PMP22: variants seen among roughly 807,000 people sequenced by gnomAD.
PMP22 encodes Charcot-Marie-Tooth neuropathy 1A (greatly reduced nerve conduction velocity, hereditary motor sensory neuropathy Ia).
In PMP22, 2 loss-of-function variants were observed where a neutral mutation model predicts 18.9. That is an observed-to-expected ratio of 0.11 (90% CI 0.04 to 0.33). PMP22 has a LOEUF of 0.33. PMP22 is among the 10% of genes least tolerant of loss of function. PMP22 has a pLI of 1.00. For synonymous variants in PMP22, 95 were observed against 89.2 expected (o/e 1.07, Z -0.37); for missense variants, 169 against 202.2 (o/e 0.84, Z 1.00).
intron 1 of PMP22, among the ~76,000 whole-genome samples, chr17:15,263,635 A>G (rs1403792056): frequency 6.6e-6 from 1 of 152,050 alleles, no homozygotes; most frequent in Non-Finnish European, 1.5e-5. Context: ...GTGTCATAGA[A>G]GCTCATCACT....
At chr17:15,257,855 G>C (rs16951263) in intron 3 of PMP22, among the ~76,000 whole-genome samples, 11,719 of 152,178 alleles carry the variant, frequency 0.077, 718 homozygotes, top group East Asian at 0.31. Flanking sequence ...TACTCCTTGC[G>C]TATCTTCTCC....
chr17:15,256,582 A>G lies in PMP22; in HGVS notation c.178+2512T>C, dbSNP rs1027092687. Among the ~76,000 whole-genome samples, 6 of 152,214 alleles carry G rather than the reference A, an allele frequency of 3.9e-5. No individual in the cohort carries two copies. The South Asian group carries it at 1.2e-3, about 32-fold the overall frequency. On this transcript the variant is annotated intron_variant, in intron 3 of 4. Coordinates refer to ENST00000312280, the MANE Select transcript of PMP22 (RefSeq NM_000304.4). ...CTTGAACCCAGGAGGTGGAGGTTGT[A>G]GTCAGCCGAGATTGCACCACTATTT...
chr17:15,237,869 A>T (rs559002647), intron 4 of PMP22, among the ~76,000 whole-genome samples: 2 of 152,362 alleles, frequency 1.3e-5, no homozygotes, highest in Non-Finnish European at 2.9e-5. Flanking sequence ...ATCATCGCTT[A>T]TGAAACTAAC....
chr17:15,259,169 C>T lies in PMP22; in HGVS notation c.103G>A (p.Ala35Thr), dbSNP rs750000952. The T allele has an allele frequency of 1.4e-5, 23 of 1,613,336 alleles. No individual in the cohort carries two copies. The highest frequency in any genetic ancestry group is 1.7e-5 in the Non-Finnish European group (20 of 1,179,456). The change falls in exon 3 of 5, where the codon GCA (alanine) becomes ACA (threonine). Residue 35 changes from alanine (A) to threonine (T), a missense_variant. By Grantham distance (58) the Ala-to-Thr change is moderately conservative. Transcript: ENST00000312280. ...CTACAGTTCTGCCAGAGATCAGTTG[C>T]GTGTCCATTGCCCACGATCCATTGC... ...VSQWIVGNGH[A>T]TDLWQNCSTS... is the part of the protein sequence containing the mutation.
At position 15,230,796 on chromosome 17, in the gene PMP22, C is replaced by G; in HGVS notation, c.*121G>C. The stretch of plus-strand genomic sequence containing the variant: ...CAGCAACCCCCACCTCCACTGCTTT[C>G]TGTTTGGTTTGGTTTGAGTTTGGGA... On this transcript the variant is annotated 3_prime_UTR_variant, in exon 5 of 5. Transcript: ENST00000312280. 9.6e-7 allele frequency: 1 copy of G among 1,036,876 alleles called. No homozygotes were observed. The highest frequency in any genetic ancestry group is 1.5e-6 in the Non-Finnish European group (1 of 672,548). The allele number at this position is 1,036,876 out of a possible 1,614,324, so 64.2% of individuals were successfully genotyped here.
At chr17:15,235,311 C>T in intron 4 of PMP22, 1 of 717,488 alleles carries the variant, frequency 1.4e-6, no homozygotes, top group Non-Finnish European at 2.6e-6. Flanking sequence ...ATTATCTAAT[C>T]ATCCAACCAA....
chr17:15,260,296 G>GA (rs58225646), intron 2 of PMP22: 17,724 of 319,080 alleles, frequency 0.056, 675 homozygotes, highest in East Asian at 0.14. Flanking sequence ...ATGGTTTGGA[G>GA]AAAAAAAAAT....
At chr17:15,234,044 G>C (rs1237765129) in intron 4 of PMP22, among the ~76,000 whole-genome samples, 1 of 152,208 alleles carries the variant, frequency 6.6e-6, no homozygotes, top group South Asian at 2.1e-4. Context: ...CAGGGGCAGG[G>C]ACAAGGCAGG....
chr17:15,233,232 T>TGGTGAGGCCCTGA (rs1475742753), intron 4 of PMP22, among the ~76,000 whole-genome samples: 1 of 152,156 alleles, frequency 6.6e-6, no homozygotes, highest in Admixed American at 6.5e-5. Flanking sequence ...CAGGTCCCTG[T>TGGTGAGGCCCTGA]GGCAAGGGTA....
chr17:15,256,669 T>C (rs1209860659), intron 3 of PMP22, among the ~76,000 whole-genome samples: 1 of 152,144 alleles, frequency 6.6e-6, no homozygotes, highest in African/African-American at 2.4e-5. Context: ...TACTTTTGAT[T>C]ACTTAACAAG....
At position 15,230,070 on chromosome 17, in the gene PMP22, T is replaced by C. The variant is rs1906176329; in HGVS notation, c.*847A>G. On this transcript the variant is annotated 3_prime_UTR_variant, in exon 5 of 5. Transcript: ENST00000312280. ...TGATGAAGGCTTTATGATTTACTCA[T>C]TATAGTAATAATAGCAGCCTAGCTA... is the stretch of plus-strand genomic sequence containing the variant. 2 of 152,648 alleles carry C rather than the reference T, an allele frequency of 1.3e-5. No individual in the cohort carries two copies. The highest frequency in any genetic ancestry group is 6.5e-5 in the Admixed American group (1 of 15,288). 9.5% of individuals were successfully genotyped at this position (152,648 alleles called of 1,614,324 possible).
chr17:15,250,452 T>G (rs1325460634), intron 3 of PMP22, among the ~76,000 whole-genome samples: 1 of 152,212 alleles, frequency 6.6e-6, no homozygotes, highest in Non-Finnish European at 1.5e-5. Flanking sequence ...GACTTTGAAT[T>G]TCCAGCCCAG....
chr17:15,242,812 T>A (rs923844358), intron 3 of PMP22, among the ~76,000 whole-genome samples: 1 of 152,020 alleles, frequency 6.6e-6, no homozygotes, highest in African/African-American at 2.4e-5. Context: ...ACAAAGAATA[T>A]CTCAATAAAT....
rs1390647672 is a variant in PMP22 at position 15,260,731 on chromosome 17, G to A, written c.-4C>T. The A allele has an allele frequency of 1.9e-6, 3 of 1,552,170 alleles. No individual in the cohort carries two copies. The highest frequency in any genetic ancestry group is 2.0e-5 in the Admixed American group (1 of 51,092). ...TACTCAGCAACAGGAGGAGCATTCT[G>A]GCGGCAAGTTCTGCTCAGCGGAGTT... is the stretch of plus-strand genomic sequence containing the variant. On this transcript the variant is annotated 5_prime_UTR_variant, in exon 2 of 5. Transcript: ENST00000312280.
chr17:15,263,583 G>GCGCACA (rs71353722), intron 1 of PMP22, among the ~76,000 whole-genome samples: 18 of 150,050 alleles, frequency 1.2e-4, no homozygotes, highest in Middle Eastern at 3.4e-3. Flanking sequence ...GCACGCGCGC[G>GCGCACA]CACACACACA....
intron 4 of PMP22, among the ~76,000 whole-genome samples, chr17:15,233,832 C>T (rs1315194555): frequency 6.6e-6 from 1 of 152,148 alleles, no homozygotes; most frequent in Non-Finnish European, 1.5e-5. Flanking sequence ...GGCGCTGAGT[C>T]CAAACTGGAG....
At chr17:15,262,735 C>G (rs1334657322) in intron 1 of PMP22, 1 of 152,358 alleles carries the variant, frequency 6.6e-6, no homozygotes, top group Non-Finnish European at 1.5e-5. Context: ...AAAGTCGGTC[C>G]CTGCAAAACC....
Position 15,263,583 on chromosome 17 carries a change from G to GCACACACACA in PMP22, c.-35+1561_-35+1570dup, listed in dbSNP as rs3028206. Among the ~76,000 whole-genome samples the GCACACACACA allele has an allele frequency of 4.9e-3, 741 of 150,048 alleles. 5 individuals carry two copies. The highest frequency in any genetic ancestry group is 0.017 in the African/African-American group (709 of 40,842). On this transcript the variant is annotated intron_variant, in intron 1 of 4. Transcript: ENST00000312280. ...AATGCAGCAGTTCACGCACGCGCGCGCACACACACACACACACACACTTCC... is the reference window on the plus strand; with the variant it reads ...AATGCAGCAGTTCACGCACGCGCGCGCACACACACACACACACACACACACACACACTTCC...
At chr17:15,260,391 G>A (rs550185071) in intron 2 of PMP22, 1 of 555,522 alleles carries the variant, frequency 1.8e-6, no homozygotes, top group African/African-American at 1.9e-5. Flanking sequence ...GGGGACCCTA[G>A]ATCGGCTCTG....
Sources: allele counts gnomAD v4.1 joint callset (sites outside exome capture counted in the v4.1 genomes callset), GRCh38; gene constraint gnomAD v4.1.1; transcripts MANE v1.5; gene names NCBI Gene and HGNC (gene_info 2026-07-23, HGNC 2026-07-21).